The following GPR84 variants were observed in gnomAD, a reference collection of about 807,000 sequenced individuals.
GPR84 encodes G protein-coupled receptor 84, also known as G-protein coupled receptor 84.
A neutral mutation model predicts 14.9 loss-of-function variants in GPR84; 8 were observed. That is an observed-to-expected ratio of 0.54 (90% confidence interval 0.31 to 0.97). The LOEUF (loss-of-function observed/expected upper bound fraction) is 0.97. GPR84 is among the 50% of genes least tolerant of loss of function. The pLI, the probability that GPR84 is intolerant of heterozygous loss-of-function variation, is 0.04. For missense variants in GPR84, 424 were observed against 498.7 expected, an observed-to-expected ratio of 0.85 and a Z score of 1.43; for synonymous variants, 164 against 198.1, an observed-to-expected ratio of 0.83 and a Z score of 1.45.
downstream of GPR84, among the ~76,000 whole-genome samples, chr12:54,360,573 C>T (rs1000624901): frequency 3.4e-4 from 51 of 152,134 alleles, 1 homozygote; most frequent in African/African-American, 1.2e-3. Context: ...CTGTGACTTT[C>T]GTGGAAGGAG....
chr12:54,362,919 T>C lies in GPR84; in HGVS notation c.933A>G (p.Ser311=), dbSNP rs149419926. 5.6e-5 allele frequency: 91 copies of C among 1,614,124 alleles called. No homozygotes were observed. The highest frequency in any genetic ancestry group is 7.1e-5 in the Non-Finnish European group (84 of 1,180,042). The change falls in exon 2 of 2, where the codon TCA becomes TCG. Residue 311 remains serine, a synonymous_variant. Transcript: ENST00000267015. The surrounding 1 kb of genome is among the most constrained non-coding windows in gnomAD (Gnocchi z 4.0). ...TTCGAGTCACCTTCCCAAATTCCGA[T>C]GAAGAATCCGGAGCTCTTCTGGCTC... ...IKGARRAPDS[S]SEFGKVTRMC...
the GPR84 span, among the ~76,000 whole-genome samples, chr12:54,356,933 G>A: frequency 6.6e-6 from 1 of 152,152 alleles, no homozygotes; most frequent in Non-Finnish European, 1.5e-5. Flanking sequence ...GGGTGGTGTG[G>A]GCACACCAAG....
chr12:54,353,850 T>TC, the GPR84 span: 2 of 152,102 alleles, frequency 1.3e-5, no homozygotes, highest in African/African-American at 4.8e-5. Flanking sequence ...GAACCAACAC[T>TC]CCAAGACTGT....
the GPR84 span, among the ~76,000 whole-genome samples, chr12:54,356,670 C>T: frequency 0.019 from 2,940 of 152,186 alleles, 102 homozygotes; most frequent in African/African-American, 0.067. Flanking sequence ...GAGTTACCTC[C>T]GAGTGAGAAG....
Position 54,363,156 on chromosome 12 carries a change from C to G in GPR84, c.696G>C (p.Glu232Asp). 1.9e-6 allele frequency: 3 copies of G among 1,614,216 alleles called. No individual in the cohort carries two copies. The highest frequency in any genetic ancestry group is 2.5e-6 in the Non-Finnish European group (3 of 1,180,028). ...IHSNHVARTDEAMPGRFQELD... is the reference protein window; with the variant it reads ...IHSNHVARTDDAMPGRFQELD... ...GCTCCTGGAAACGACCAGGCATGGC[C>G]TCATCAGTCCTGGCCACATGGTTGG... Residue 232 changes from glutamate to aspartate, a missense_variant, in exon 2 of 2, where the codon GAG becomes GAC. Coordinates refer to ENST00000267015, the MANE Select transcript of GPR84 (RefSeq NM_020370.3).
chr12:54,352,277 T>C, the GPR84 span, among the ~76,000 whole-genome samples: 1 of 152,104 alleles, frequency 6.6e-6, no homozygotes, highest in Admixed American at 6.6e-5. Context: ...CTCCAGAAGG[T>C]CAGGACGGTG....
At position 54,362,519 on chromosome 12, in the gene GPR84, T is replaced by G; in HGVS notation, c.*142A>C. ...GTCTAGGGCTGAAACATTGATCAAG[T>G]GATGGAGAGACTTGATTTGGGAGGC... On this transcript the variant is annotated 3_prime_UTR_variant, in exon 2 of 2. Transcript: ENST00000267015. This position sits in a 1 kb window ranked among gnomAD's most constrained non-coding sequence, Gnocchi z 4.0. 1.5e-6 allele frequency: 1 copy of G among 668,306 alleles called. No individual in the cohort carries two copies. Among genetic ancestry groups the G allele is most frequent in the Non-Finnish European group, 2.7e-6 (1 of 366,952 alleles). The allele number at this position is 668,306 out of a possible 1,614,324, so 41.4% of individuals were successfully genotyped here.
chr12:54,355,353 T>TGTGTGTGCGC, the GPR84 span, among the ~76,000 whole-genome samples: 964 of 151,524 alleles, frequency 6.4e-3, 12 homozygotes, highest in African/African-American at 0.022. Context: ...TGTGTGTGTG[T>TGTGTGTGCGC]GCGCATGGCA....
chr12:54,362,869 A>T lies in GPR84; in HGVS notation c.983T>A (p.Phe328Tyr). Residue 328 changes from phenylalanine (F) to tyrosine (Y), a missense_variant, in exon 2 of 2, where the codon TTT becomes TAT. Phe to Tyr is a conservative substitution (Grantham distance 22). Coordinates refer to ENST00000267015, the MANE Select transcript of GPR84 (RefSeq NM_020370.3). The surrounding 1 kb of genome is among the most constrained non-coding windows in gnomAD (Gnocchi z 4.0). ...CAAGAAGGGGATGTAGCTCAGGGCA[A>T]AGCAGAGGAACACAGCAAAACACAT... ...TRMCFAVFLC[F>Y]ALSYIPFLLL... 1 of 1,614,214 alleles carries T rather than the reference A, an allele frequency of 6.2e-7. No homozygotes were observed. Among genetic ancestry groups the T allele is most frequent in the Non-Finnish European group, 8.5e-7 (1 of 1,180,034 alleles).
chr12:54,352,529 G>A, the GPR84 span, among the ~76,000 whole-genome samples: 1 of 152,110 alleles, frequency 6.6e-6, no homozygotes, highest in African/African-American at 2.4e-5. Context: ...GGGGGAGTGT[G>A]GGGAGCCTCT....
chr12:54,359,431 G>A (rs1471777689), downstream of GPR84, among the ~76,000 whole-genome samples: 1 of 150,534 alleles, frequency 6.6e-6, no homozygotes, highest in Non-Finnish European at 1.5e-5. Flanking sequence ...GGGGGCGGGG[G>A]GAGCGCGGCA....
In GPR84 at chr12:54,362,507, A is replaced by T; in HGVS notation, c.*154T>A. On this transcript the variant is annotated 3_prime_UTR_variant, in exon 2 of 2. Coordinates refer to ENST00000267015, the MANE Select transcript of GPR84 (RefSeq NM_020370.3). The surrounding 1 kb of genome is among the most constrained non-coding windows in gnomAD (Gnocchi z 4.0). ...ACTCCTTGGGCAGTCTAGGGCTGAA[A>T]CATTGATCAAGTGATGGAGAGACTT... 1 of 660,308 alleles carries T rather than the reference A, an allele frequency of 1.5e-6. No homozygotes were observed. Among genetic ancestry groups the T allele is most frequent in the Non-Finnish European group, 2.8e-6 (1 of 361,682 alleles). The allele number at this position is 660,308 out of a possible 1,614,324, so 40.9% of individuals were successfully genotyped here. A position where few individuals can be genotyped will look rare whatever the true frequency, so the allele number is the denominator to read the frequency against.
At chr12:54,352,841 A>G in the GPR84 span, among the ~76,000 whole-genome samples, 1 of 152,242 alleles carries the variant, frequency 6.6e-6, no homozygotes, top group Admixed American at 6.5e-5. Flanking sequence ...ACGTCTGCCA[A>G]CAGTCCTGCA....
At chr12:54,359,978 A>T (rs1164777697), downstream of GPR84, among the ~76,000 whole-genome samples, 3 of 150,970 alleles carry the variant, frequency 2.0e-5, no homozygotes, top group African/African-American at 7.3e-5. Context: ...GTCCTTTCTG[A>T]GGTCTAACCT....
the GPR84 span, among the ~76,000 whole-genome samples, chr12:54,354,675 C>T: frequency 6.7e-6 from 1 of 149,196 alleles, no homozygotes; most frequent in Non-Finnish European, 1.5e-5. Flanking sequence ...CAACTTCTGA[C>T]CTCTGGTGAT....
chr12:54,360,266 A>C (rs185282461), downstream of GPR84, among the ~76,000 whole-genome samples: 2 of 151,780 alleles, frequency 1.3e-5, no homozygotes, highest in African/African-American at 2.4e-5. Flanking sequence ...CACATTTGTA[A>C]GAAAGAAATT....
chr12:54,357,206 T>C, the GPR84 span, among the ~76,000 whole-genome samples: 1 of 152,138 alleles, frequency 6.6e-6, no homozygotes, highest in Non-Finnish European at 1.5e-5. Context: ...CCTAAGTGGC[T>C]CTTAAAGGGC....
chr12:54,355,175 G>C, the GPR84 span, among the ~76,000 whole-genome samples: 356 of 152,162 alleles, frequency 2.3e-3, 1 homozygote, highest in East Asian at 0.038. Flanking sequence ...GAGAATGAGA[G>C]ACACAAAGAA....
chr12:54,352,097 G>T, the GPR84 span, among the ~76,000 whole-genome samples: 1 of 152,110 alleles, frequency 6.6e-6, no homozygotes, highest in African/African-American at 2.4e-5. Flanking sequence ...AGGGAACTGA[G>T]TTCTTCCCCC....
Sources: gnomAD v4.1 joint callset for allele counts (sites outside exome capture counted in the v4.1 genomes callset) on GRCh38, gnomAD v4.1.1 for gene constraint, Gnocchi (gnomAD v3.1) non-coding constraint, MANE v1.5 for transcripts, NCBI Gene and HGNC (gene_info 2026-07-23, HGNC 2026-07-21) for gene names.